Variants in RB1 observed in about 807,000 individuals in gnomAD.
RB1 encodes the protein RB transcriptional corepressor 1, also known as retinoblastoma-associated protein.
Under a neutral mutation model 135.4 loss-of-function variants are expected in RB1, and 18 were observed. That is an observed-to-expected ratio of 0.13 (90% CI 0.09 to 0.20). The LOEUF is 0.20. Ranked by LOEUF, RB1 falls within the 10% of genes least tolerant of loss-of-function variation. RB1 has a pLI of 1.00. For missense variants in RB1, 868 were observed against 1,110.0 expected (o/e 0.78, Z 3.10); for synonymous variants, 365 against 373.2 (o/e 0.98, Z 0.25).
At chr13:48,363,055 T>G in intron 8 of RB1, 98 bp downstream of exon 8, 15 of 1,460,348 alleles carry the variant, frequency 1.0e-5, no homozygotes, top group Non-Finnish European at 1.3e-5. Flanking sequence ...GCATGTTTTT[T>G]TTGTAATTAG....
At chr13:48,361,562 A>G (rs914195405) in intron 7 of RB1, among the ~76,000 whole-genome samples, 7 of 152,196 alleles carry the variant, frequency 4.6e-5, no homozygotes, top group African/African-American at 1.7e-4. Flanking sequence ...GCATAATTAC[A>G]GTGCTCTTTG....
At chr13:48,309,161 A>G (rs1302219612) in intron 2 of RB1, among the ~76,000 whole-genome samples, 1 of 152,202 alleles carries the variant, frequency 6.6e-6, no homozygotes, top group African/African-American at 2.4e-5. Context: ...TTATTTTATT[A>G]GAATAAATTC....
At chr13:48,463,708 T>A (rs1949419234) in intron 20 of RB1, 23 bp from the exon 21 acceptor site, 2 of 1,347,738 alleles carry the variant, frequency 1.5e-6, no homozygotes, top group Non-Finnish European at 2.1e-6. Flanking sequence ...TTCTGACTAC[T>A]TTTACATCAA....
chr13:48,378,826 A>G (rs1292413689), intron 13 of RB1, among the ~76,000 whole-genome samples: 1 of 152,148 alleles, frequency 6.6e-6, no homozygotes, highest in Non-Finnish European at 1.5e-5. Context: ...CAGCTCCATT[A>G]TAATCTTATG....
chr13:48,345,251 C>A (rs967359789), intron 4 of RB1, 52 bp downstream of exon 4: 1 of 1,563,042 alleles, frequency 6.4e-7, no homozygotes. Context: ...TGTCATTGTT[C>A]ACAATTAGAT....
intron 1 of RB1, among the ~76,000 whole-genome samples, chr13:48,306,906 C>T (rs576139544): frequency 2.6e-5 from 4 of 152,236 alleles, no homozygotes; most frequent in East Asian, 1.9e-4. Flanking sequence ...AAGTCACTGG[C>T]GTTGAATTGT....
chr13:48,404,356 A>G (rs1284466836), intron 17 of RB1: 1 of 152,142 alleles, frequency 6.6e-6, no homozygotes, highest in Non-Finnish European at 1.5e-5. Flanking sequence ...TTACTTTGGT[A>G]TTTTCAGGTA....
intron 17 of RB1, among the ~76,000 whole-genome samples, chr13:48,421,185 T>C (rs565094877): frequency 6.6e-6 from 1 of 152,090 alleles, no homozygotes; most frequent in South Asian, 2.1e-4. Flanking sequence ...CCAAAACAGA[T>C]ATATTGACCA....
intron 26 of RB1, 148 bp from the exon 27 acceptor site, chr13:48,479,850 C>A: frequency 1.5e-6 from 1 of 684,178 alleles, no homozygotes; most frequent in Non-Finnish European, 2.7e-6. Flanking sequence ...TAACTCCCTA[C>A]GGTACTGTCA....
chr13:48,448,516 GAAA>G (rs1230430873), intron 17 of RB1, among the ~76,000 whole-genome samples: 1 of 152,112 alleles, frequency 6.6e-6, no homozygotes, highest in Non-Finnish European at 1.5e-5. Flanking sequence ...TGCTGAAACT[GAAA>G]AAGGGCTGAA....
intron 2 of RB1, among the ~76,000 whole-genome samples, chr13:48,333,782 AC>A (rs896181284): frequency 2.0e-5 from 3 of 151,350 alleles, no homozygotes; most frequent in Non-Finnish European, 2.9e-5. Context: ...TACTGCCACA[AC>A]TTTTTTTTTT....
chr13:48,344,564 G>C (rs1952475316), intron 3 of RB1, among the ~76,000 whole-genome samples: 1 of 152,276 alleles, frequency 6.6e-6, no homozygotes, highest in African/African-American at 2.4e-5. Flanking sequence ...CCAGAACTGG[G>C]AGTCAGTTCT....
intron 20 of RB1, among the ~76,000 whole-genome samples, chr13:48,461,398 G>A (rs753903470): frequency 3.3e-5 from 5 of 152,038 alleles, no homozygotes; most frequent in Admixed American, 1.3e-4. Flanking sequence ...ACCACATTAT[G>A]CTTATCATTC....
intron 5 of RB1, among the ~76,000 whole-genome samples, chr13:48,348,569 C>T (rs994307574): frequency 2.6e-5 from 4 of 151,484 alleles, no homozygotes; most frequent in Non-Finnish European, 4.4e-5. Context: ...TAATTTGAAA[C>T]AAAGTATGTT....
chr13:48,441,816 TG>T (rs1003108186), intron 17 of RB1, among the ~76,000 whole-genome samples: 22 of 152,180 alleles, frequency 1.4e-4, no homozygotes, highest in African/African-American at 5.3e-4. Flanking sequence ...TTTCATTCTG[TG>T]GTATAGAGAT....
In RB1 at chr13:48,412,567, C is replaced by G. The variant is rs934021458; in HGVS notation, c.1695+31124C>G. On this transcript the variant is annotated intron_variant, in intron 17 of 26. Coordinates refer to ENST00000267163, the MANE Select transcript of RB1 (RefSeq NM_000321.3). ...ATGGTTTTATAAATATTTCCTTTTT[C>G]TCAGAAATACCCAAAAGAAACATGA... 4 of 670,914 alleles carry G rather than the reference C, an allele frequency of 6.0e-6. No individual in the cohort carries two copies. In the African/African-American group the frequency reaches 7.3e-5, roughly 12 times the overall value. 41.6% of individuals were successfully genotyped at this position (670,914 alleles called of 1,614,324 possible).
intron 2 of RB1, among the ~76,000 whole-genome samples, chr13:48,314,319 C>T (rs1952160925): frequency 6.6e-6 from 1 of 152,150 alleles, no homozygotes; most frequent in South Asian, 2.1e-4. Flanking sequence ...ATGAAGTCTT[C>T]AGATGCATGC....
intron 1 of RB1, 98 bp downstream of exon 1, chr13:48,304,147 A>C: frequency 2.4e-6 from 3 of 1,266,874 alleles, no homozygotes; most frequent in Non-Finnish European, 3.0e-6. Context: ...CGTCCTCGCC[A>C]GGGGCCGGGT....
intron 2 of RB1, among the ~76,000 whole-genome samples, chr13:48,316,524 A>G (rs962622636): frequency 1.3e-5 from 2 of 152,168 alleles, no homozygotes; most frequent in Non-Finnish European, 2.9e-5. Flanking sequence ...GCAATTAGGA[A>G]CACCCTACAA....
Sources: gnomAD v4.1 joint callset for allele counts (sites outside exome capture counted in the v4.1 genomes callset) on GRCh38, gnomAD v4.1.1 for gene constraint, MANE v1.5 for transcripts, NCBI Gene and HGNC (gene_info 2026-07-23, HGNC 2026-07-21) for gene names.